Variants in KMT2C observed in about 807,000 individuals in gnomAD.
KMT2C encodes histone-lysine N-methyltransferase 2C.
A neutral mutation model predicts 507.9 loss-of-function variants in KMT2C; 88 were observed. The observed-to-expected ratio is 0.17, with a 90% CI of 0.15 to 0.21. The LOEUF is 0.21. KMT2C is among the 10% of genes least tolerant of loss of function. The pLI is 1.00. For synonymous variants in KMT2C, 2,049 were observed against 2,080.8 expected, an observed-to-expected ratio of 0.98 and a Z score of 0.42; for missense variants, 4,954 against 5,957.8, an observed-to-expected ratio of 0.83 and a Z score of 5.55.
chr7:152,383,739 C>G (rs986473172), intron 1 of KMT2C, among the ~76,000 whole-genome samples: 1 of 152,164 alleles, frequency 6.6e-6, no homozygotes, highest in African/African-American at 2.4e-5. Context: ...TTCTCCCTGC[C>G]GTTTCTGCCC....
intron 1 of KMT2C, among the ~76,000 whole-genome samples, chr7:152,422,586 C>T (rs958409503): frequency 6.6e-6 from 1 of 152,170 alleles, no homozygotes; most frequent in Middle Eastern, 3.2e-3. Flanking sequence ...ATAATTCTCA[C>T]ACATGAGAAA....
At chr7:152,140,110 C>A (rs1395983861) in intron 55 of KMT2C, among the ~76,000 whole-genome samples, 1 of 152,104 alleles carries the variant, frequency 6.6e-6, no homozygotes, top group African/African-American at 2.4e-5. Context: ...TGAGTTCCCA[C>A]CAACTAAATA....
intron 3 of KMT2C, among the ~76,000 whole-genome samples, chr7:152,318,303 A>G (rs1210022677): frequency 6.6e-6 from 1 of 151,674 alleles, no homozygotes; most frequent in East Asian, 2.0e-4. Flanking sequence ...GATTAAAATT[A>G]GATCTAACAA....
chr7:152,290,242 G>GTA (rs2096390233), intron 6 of KMT2C, among the ~76,000 whole-genome samples: 2 of 98,974 alleles, frequency 2.0e-5, no homozygotes, highest in African/African-American at 9.5e-5. Context: ...GTGTGTGTGT[G>GTA]TGTGTGTGTG....
chr7:152,251,964 T>C lies in KMT2C; in HGVS notation c.1596A>G (p.Glu532=). The C allele has an allele frequency of 6.2e-7, 1 of 1,611,076 alleles. No individual in the cohort carries two copies. ...CTGTAGTGAGCTCAGCTATCTCCAC[T>C]TCCTCACCTGGCTGTAAACGATCCA... ...AEMDRLQPGE[E]VEIAELTTDY... is the part of the protein sequence containing the mutation. Residue 532 remains glutamate, a synonymous_variant, in exon 11 of 59, where the codon GAA becomes GAG. Transcript: ENST00000262189.
chr7:152,430,749 T>C (rs760015163), intron 1 of KMT2C, among the ~76,000 whole-genome samples: 1 of 152,194 alleles, frequency 6.6e-6, no homozygotes, highest in Non-Finnish European at 1.5e-5. Flanking sequence ...GGTCTCAAAC[T>C]CCTTTTAAAT....
chr7:152,329,614 G>C (rs2096861329), intron 3 of KMT2C, among the ~76,000 whole-genome samples: 1 of 145,102 alleles, frequency 6.9e-6, no homozygotes. Flanking sequence ...AAGGGAAGAG[G>C]AAAAGGAAGT....
At chr7:152,259,886 GACTACAGAGAGA>G (rs1317430239) in intron 9 of KMT2C, among the ~76,000 whole-genome samples, 4 of 152,160 alleles carry the variant, frequency 2.6e-5, no homozygotes, top group African/African-American at 7.2e-5. Context: ...TATGACTCAA[GACTACAGAGAGA>G]ACTACAGAAG....
chr7:152,274,010 A>G, intron 6 of KMT2C, 143 bp from the exon 7 acceptor site: 1 of 731,120 alleles, frequency 1.4e-6, no homozygotes, highest in Non-Finnish European at 1.9e-6. Flanking sequence ...AGGATTCGTT[A>G]AAAATAATAA....
chr7:152,367,424 C>T (rs772838580), intron 1 of KMT2C: 22 of 701,934 alleles, frequency 3.1e-5, no homozygotes, highest in South Asian at 2.3e-4. Flanking sequence ...CGCCTTATTT[C>T]GCAGGCTGGT....
intron 23 of KMT2C, among the ~76,000 whole-genome samples, chr7:152,211,172 G>C (rs1217587557): frequency 2.0e-5 from 3 of 152,208 alleles, no homozygotes; most frequent in Non-Finnish European, 4.4e-5. Flanking sequence ...GTCACATAGA[G>C]AGAACCGAGT....
At chr7:152,171,169 T>C in intron 40 of KMT2C, 95 bp downstream of exon 40, 1 of 747,512 alleles carries the variant, frequency 1.3e-6, no homozygotes, top group Non-Finnish European at 2.1e-6. Context: ...ACAAACCTAG[T>C]ACTACTCTCT....
chr7:152,365,689 T>C (rs1306110524), intron 1 of KMT2C, among the ~76,000 whole-genome samples: 1 of 152,248 alleles, frequency 6.6e-6, no homozygotes, highest in Non-Finnish European at 1.5e-5. Flanking sequence ...CCCAGTGTTT[T>C]GTTTTGAAGT....
At chr7:152,271,817 A>C (rs1410043340) in intron 7 of KMT2C, among the ~76,000 whole-genome samples, 1 of 152,070 alleles carries the variant, frequency 6.6e-6, no homozygotes, top group Non-Finnish European at 1.5e-5. Context: ...TGGCTACTTT[A>C]AGATAATTTT....
chr7:152,332,999 G>C (rs1386014848), intron 2 of KMT2C, among the ~76,000 whole-genome samples: 2 of 151,956 alleles, frequency 1.3e-5, no homozygotes, highest in Non-Finnish European at 2.9e-5. Flanking sequence ...TTCACACCAG[G>C]ATCACTTCCT....
chr7:152,299,095 G>A lies in KMT2C; in HGVS notation c.849+10871C>T, dbSNP rs183015942. Among the ~76,000 whole-genome samples the A allele has an allele frequency of 2.3e-3, 350 of 152,102 alleles. 2 individuals are homozygous for A. The highest frequency in any genetic ancestry group is 4.1e-3 in the Non-Finnish European group (281 of 67,988). On this transcript the variant is annotated intron_variant, in intron 6 of 58. Coordinates refer to ENST00000262189, the MANE Select transcript of KMT2C (RefSeq NM_170606.3). Reference sequence around the variant, plus strand: ...AGCACTTTGGGAGGCCAAGGTAAGCGGATCACAAGGTCAGGAGATCGAGAC... The same window carrying A: ...AGCACTTTGGGAGGCCAAGGTAAGCAGATCACAAGGTCAGGAGATCGAGAC...
chr7:152,385,611 CAAAAAAAAAAAAAAAAAAAAAAAAAAAA>C, intron 1 of KMT2C, among the ~76,000 whole-genome samples: 1 of 19,442 alleles, frequency 5.1e-5, no homozygotes, highest in East Asian at 1.8e-3. Flanking sequence ...GACTCCGTCT[CAAAAAAAAAAAAAAAAAAAAAAAAAAAA>C]AAAAAAAAAA....
chr7:152,233,058 G>C (rs2095171086), intron 16 of KMT2C, among the ~76,000 whole-genome samples: 1 of 152,052 alleles, frequency 6.6e-6, no homozygotes, highest in African/African-American at 2.4e-5. Context: ...CAGAAACAAA[G>C]TCTGCAGTAG....
At chr7:152,383,699 A>C (rs751439787) in intron 1 of KMT2C, among the ~76,000 whole-genome samples, 1 of 152,156 alleles carries the variant, frequency 6.6e-6, no homozygotes, top group Non-Finnish European at 1.5e-5. Flanking sequence ...GCTTCTTACT[A>C]CATTTATTAC....
Sources: allele counts gnomAD v4.1 joint callset (sites outside exome capture counted in the v4.1 genomes callset), GRCh38; gene constraint gnomAD v4.1.1; transcripts MANE v1.5; gene names NCBI Gene and HGNC (gene_info 2026-07-23, HGNC 2026-07-21).